Variants in VPS53 observed in about 807,000 individuals in gnomAD.
The protein encoded by VPS53 is vacuolar protein sorting-associated protein 53 homolog.
A neutral mutation model predicts 107.0 loss-of-function variants in VPS53; 70 were observed. The observed-to-expected ratio is 0.65, with a 90% CI of 0.54 to 0.80. VPS53 has a LOEUF of 0.80. VPS53 is among the 30% of genes least tolerant of loss of function. The pLI, the probability that VPS53 is intolerant of heterozygous loss-of-function variation, is 0.00. For missense variants in VPS53, 917 were observed against 1,049.4 expected (o/e 0.87, Z 1.74); for synonymous variants, 409 against 393.3 (o/e 1.04, Z -0.47).
In VPS53 at chr17:519,577, C is replaced by G. The variant is rs777562506; in HGVS notation, c.2328+249G>C. On this transcript the variant is annotated intron_variant, in intron 21 of 21. Transcript: ENST00000437048. This position sits in a 1 kb window ranked among gnomAD's most constrained non-coding sequence, Gnocchi z 5.0. ...GGAAGGACAACATGCCTGTCCTCAT[C>G]CCCCTGCCCCTGCCCCATCCTCCCT... 1.7e-4 allele frequency among the ~76,000 whole-genome samples: 26 copies of G among 152,302 alleles called. No individual in the cohort carries two copies. Among genetic ancestry groups the G allele is most frequent in the Non-Finnish European group, 3.7e-4 (25 of 68,030 alleles).
intron 2 of VPS53, among the ~76,000 whole-genome samples, chr17:703,551 T>C (rs1433206542): frequency 6.6e-6 from 1 of 152,208 alleles, no homozygotes; most frequent in Non-Finnish European, 1.5e-5. Context: ...CAGAGGGGTT[T>C]ATCCTGCTTT....
At chr17:668,972 C>CT (rs1766148840) in intron 4 of VPS53, among the ~76,000 whole-genome samples, 1 of 152,110 alleles carries the variant, frequency 6.6e-6, no homozygotes, top group Non-Finnish European at 1.5e-5. Flanking sequence ...ATGTGCCAGA[C>CT]TTTTTTCGGG....
chr17:554,819 T>TTTAA (rs1912189548), intron 15 of VPS53, among the ~76,000 whole-genome samples: 1 of 152,234 alleles, frequency 6.6e-6, no homozygotes, highest in Non-Finnish European at 1.5e-5. Context: ...AAAGCAAAAC[T>TTTAA]TTAAATACAC....
intron 16 of VPS53, among the ~76,000 whole-genome samples, 157 bp from the exon 17 acceptor site, chr17:552,107 A>C (rs1911874972): frequency 6.6e-6 from 1 of 152,198 alleles, no homozygotes; most frequent in South Asian, 2.1e-4. Context: ...CTCTTTCTTC[A>C]TGTCCTGGTT....
intron 7 of VPS53, among the ~76,000 whole-genome samples, chr17:646,422 A>C (rs1970712114): frequency 7.6e-6 from 1 of 130,908 alleles, no homozygotes; most frequent in African/African-American, 2.7e-5. Context: ...TATCTTTTCT[A>C]ATCCATACCA....
At chr17:543,841 G>GGA (rs1910913017) in intron 17 of VPS53, among the ~76,000 whole-genome samples, 1 of 63,854 alleles carries the variant, frequency 1.6e-5, no homozygotes, top group Non-Finnish European at 3.0e-5. Flanking sequence ...GGGAGGGAGG[G>GGA]AGGGAGGGAA....
At chr17:581,820 T>G (rs1364914598) in intron 13 of VPS53, among the ~76,000 whole-genome samples, 1 of 142,344 alleles carries the variant, frequency 7.0e-6, no homozygotes, top group African/African-American at 2.6e-5. Context: ...CCCAGAGAAC[T>G]TCCCTTAGGA....
intron 5 of VPS53, chr17:657,472 C>G: frequency 7.0e-7 from 1 of 1,422,884 alleles, no homozygotes; most frequent in Non-Finnish European, 9.9e-7. Context: ...GGAGCAAACA[C>G]ACCGGTCAAT....
At chr17:714,410 C>G (rs1973767448) in intron 1 of VPS53, 2 of 578,262 alleles carry the variant, frequency 3.5e-6, no homozygotes, top group Non-Finnish European at 6.1e-6. Flanking sequence ...ACCCCCAGCC[C>G]TCGCCAAAGA....
chr17:569,882 C>T (rs1309254062), intron 13 of VPS53, among the ~76,000 whole-genome samples: 8 of 144,544 alleles, frequency 5.5e-5, no homozygotes, highest in East Asian at 2.0e-4. Context: ...CCAGCCTGGG[C>T]GACAGAGCAA....
intron 12 of VPS53, among the ~76,000 whole-genome samples, chr17:601,509 G>A (rs1251376656): frequency 6.6e-6 from 1 of 152,208 alleles, no homozygotes; most frequent in Non-Finnish European, 1.5e-5. Flanking sequence ...CTCAGGAGAT[G>A]CTGAATGAGG....
intron 14 of VPS53, among the ~76,000 whole-genome samples, chr17:562,017 G>C (rs1174856364): frequency 6.6e-6 from 1 of 152,124 alleles, no homozygotes; most frequent in East Asian, 1.9e-4. Flanking sequence ...GAAACATTAG[G>C]CTCTGTCCAG....
At chr17:678,727 C>T (rs34483887) in intron 4 of VPS53, among the ~76,000 whole-genome samples, 58,429 of 151,400 alleles carry the variant, frequency 0.39, 13,450 homozygotes, top group Non-Finnish European at 0.52. Context: ...CAAGCTCCAC[C>T]CCCCGGGTTC....
chr17:570,865 AG>A (rs1245378630), intron 13 of VPS53, among the ~76,000 whole-genome samples: 1 of 152,132 alleles, frequency 6.6e-6, no homozygotes, highest in Non-Finnish European at 1.5e-5. Flanking sequence ...TGGTTATGTG[AG>A]GGGTCTGGGA....
intron 12 of VPS53, chr17:600,939 A>T (rs1170755336): frequency 6.6e-6 from 1 of 152,264 alleles, no homozygotes; most frequent in African/African-American, 2.4e-5. Context: ...ATCATTTCAG[A>T]ACTGCTCCTG....
At chr17:664,370 G>A (rs996776253) in intron 4 of VPS53, among the ~76,000 whole-genome samples, 1 of 152,140 alleles carries the variant, frequency 6.6e-6, no homozygotes, top group Non-Finnish European at 1.5e-5. Context: ...GAGCCGCCGC[G>A]CCCAGCCTGG....
intron 17 of VPS53, among the ~76,000 whole-genome samples, chr17:540,768 C>T (rs1910571911): frequency 6.6e-6 from 1 of 152,100 alleles, no homozygotes; most frequent in Non-Finnish European, 1.5e-5. Context: ...ATGATGAGTG[C>T]CTCCGGGACC....
At position 672,959 on chromosome 17, in the gene VPS53, A is replaced by C. The variant is rs547482107; in HGVS notation, c.286-11064T>G. Among the ~76,000 whole-genome samples, 5 of 152,122 alleles carry C rather than the reference A, an allele frequency of 3.3e-5. No individual in the cohort carries two copies. In the East Asian group the frequency reaches 9.7e-4, roughly 29 times the overall value. On this transcript the variant is annotated intron_variant, in intron 4 of 21. Transcript: ENST00000437048. ...AACCCCGTCTCTACTAAAAATACAAAAAATTAACCGGGCGTGGTGGCGGGC... is the reference window on the plus strand; with the variant it reads ...AACCCCGTCTCTACTAAAAATACAACAAATTAACCGGGCGTGGTGGCGGGC...
intron 13 of VPS53, among the ~76,000 whole-genome samples, chr17:584,683 A>C (rs368390604): frequency 3.3e-5 from 5 of 151,970 alleles, no homozygotes; most frequent in Non-Finnish European, 5.9e-5. Flanking sequence ...ACCACACCTG[A>C]CTAGTTTTTT....
Sources: allele counts gnomAD v4.1 joint callset (sites outside exome capture counted in the v4.1 genomes callset), GRCh38; gene constraint gnomAD v4.1.1; non-coding constraint Gnocchi (gnomAD v3.1); transcripts MANE v1.5; gene names NCBI Gene and HGNC (gene_info 2026-07-23, HGNC 2026-07-21).